MTFMT: variants seen among roughly 807,000 people sequenced by gnomAD.
MTFMT encodes mitochondrial methionyl-tRNA formyltransferase, also known as methionyl-tRNA formyltransferase, mitochondrial.
MTFMT carries 47 observed loss-of-function variants against 51.8 expected under a neutral mutation model. The observed-to-expected ratio is 0.91, with a 90% confidence interval of 0.72 to 1.16. The LOEUF (loss-of-function observed/expected upper bound fraction) is 1.16, where lower values mean the gene tolerates loss of function less well. Among genes scored for constraint, MTFMT ranks in the 50% most tolerant of loss-of-function variants. The pLI, the probability that MTFMT is intolerant of heterozygous loss-of-function variation, is 0.00. For synonymous variants in MTFMT, 196 were observed against 176.7 expected (o/e 1.11, Z -0.87); for missense variants, 512 against 482.3 (o/e 1.06, Z -0.58).
chr15:65,019,971 T>A (rs1315245373), intron 5 of MTFMT, among the ~76,000 whole-genome samples: 1 of 152,150 alleles, frequency 6.6e-6, no homozygotes, highest in African/African-American at 2.4e-5. Context: ...GTCTTTCTAT[T>A]TAATATTTTC....
chr15:65,022,829 C>A (rs773241171), intron 3 of MTFMT, among the ~76,000 whole-genome samples: 1 of 151,900 alleles, frequency 6.6e-6, no homozygotes, highest in Non-Finnish European at 1.5e-5. Flanking sequence ...ACCTCAGCCT[C>A]CTGAGTAGCT....
At chr15:65,021,142 G>C (rs778070647) in intron 4 of MTFMT, among the ~76,000 whole-genome samples, 30 of 152,204 alleles carry the variant, frequency 2.0e-4, no homozygotes, top group Non-Finnish European at 1.2e-4. Context: ...GCCAGGCAAA[G>C]AAATGGAAGG....
chr15:65,029,598 G>T lies in MTFMT; in HGVS notation c.16C>A (p.Arg6=), dbSNP rs199599204. The change falls in exon 1 of 9, where the codon CGG becomes AGG. Residue 6 remains arginine (R), a synonymous_variant. Coordinates refer to ENST00000220058, the MANE Select transcript of MTFMT (RefSeq NM_139242.4). The part of the protein sequence containing the change: MRVLV[R]RCWGPPLAHG... ...GCCAGCGGAGGACCCCAACAGCGCC[G>T]CACCAACACCCTCATCGCCTCGGCC... is the stretch of plus-strand genomic sequence containing the variant. 2 of 1,429,526 alleles carry T rather than the reference G, an allele frequency of 1.4e-6. No homozygotes were observed. The highest frequency in any genetic ancestry group is 3.1e-5 in the East Asian group (1 of 31,748). 88.6% of individuals were successfully genotyped at this position (1,429,526 alleles called of 1,614,324 possible).
intron 4 of MTFMT, among the ~76,000 whole-genome samples, chr15:65,021,146 T>C (rs1455285315): frequency 6.6e-6 from 1 of 152,066 alleles, no homozygotes; most frequent in African/African-American, 2.4e-5. Flanking sequence ...GGCAAAGAAA[T>C]GGAAGGAAAG....
chr15:65,014,843 G>A (rs2086304435), intron 6 of MTFMT, among the ~76,000 whole-genome samples: 1 of 151,248 alleles, frequency 6.6e-6, no homozygotes. Context: ...TGTTGGCCAG[G>A]CTGGTCTCAA....
In MTFMT at chr15:65,004,883, G is replaced by C. The variant is rs2086208982; in HGVS notation, c.946C>G (p.Gln316Glu). The C allele has an allele frequency of 6.2e-7, 1 of 1,609,614 alleles. No homozygotes were observed. The highest frequency in any genetic ancestry group is 1.7e-5 in the Admixed American group (1 of 59,714). ...LIPGSVIYHK[Q>E]SQILLVYCKD... is the part of the protein sequence containing the mutation. Reference sequence around the variant, plus strand: ...CAATAAACCAATAGTATTTGTGACTGTTTGTGGTATATTACTGATCCTGGA... The same window carrying C: ...CAATAAACCAATAGTATTTGTGACTCTTTGTGGTATATTACTGATCCTGGA... Residue 316 changes from glutamine to glutamate, a missense_variant, in exon 8 of 9, where the codon CAG becomes GAG. By Grantham distance (29) the Gln-to-Glu change is conservative (BLOSUM62 2). Transcript: ENST00000220058.
chr15:65,010,375 C>A (rs553968323), intron 6 of MTFMT, among the ~76,000 whole-genome samples: 1 of 151,616 alleles, frequency 6.6e-6, no homozygotes, highest in Non-Finnish European at 1.5e-5. Flanking sequence ...AAAACGCCAT[C>A]CATTATCAGA....
At position 65,023,753 on chromosome 15, in the gene MTFMT, C is replaced by T. The variant is rs556616320; in HGVS notation, c.461G>A (p.Arg154His). The stretch of plus-strand genomic sequence containing the variant: ...TGTATGGATTACAGGGGCTGGGCCA[C>T]GCCATCTCGGGAGGCAACTGGGATG... The part of the protein sequence containing the change: ...NVHPSCLPRW[R>H]GPAPVIHTVL... The change falls in exon 3 of 9, where the codon CGT (arginine) becomes CAT (histidine). Residue 154 changes from arginine to histidine, a missense_variant. Arg to His is a conservative substitution (Grantham distance 29). Coordinates refer to ENST00000220058, the MANE Select transcript of MTFMT (RefSeq NM_139242.4). The T allele has an allele frequency of 2.2e-5, 35 of 1,612,964 alleles. No individual in the cohort carries two copies. The highest frequency in any genetic ancestry group is 1.8e-4 in the Admixed American group (11 of 59,936).
At chr15:65,027,602 T>C (rs1486256355) in intron 1 of MTFMT, among the ~76,000 whole-genome samples, 2 of 152,372 alleles carry the variant, frequency 1.3e-5, no homozygotes, top group Non-Finnish European at 2.9e-5. Context: ...TTCCTGTGCA[T>C]ACAGAAACAT....
At chr15:65,019,909 G>A (rs2086356763) in intron 5 of MTFMT, among the ~76,000 whole-genome samples, 1 of 151,972 alleles carries the variant, frequency 6.6e-6, no homozygotes, top group African/African-American at 2.4e-5. Context: ...AGAAAATATG[G>A]ACAAACATTA....
At chr15:65,023,918 A>G (rs2086397596) in intron 2 of MTFMT, 124 bp from the exon 3 acceptor site, 1 of 834,734 alleles carries the variant, frequency 1.2e-6, no homozygotes, top group African/African-American at 1.7e-5. Context: ...CTGACAGTTA[A>G]ATCTAAGTCT....
intron 2 of MTFMT, among the ~76,000 whole-genome samples, chr15:65,025,420 T>TAAAC (rs142923906): frequency 6.6e-6 from 1 of 151,188 alleles, no homozygotes; most frequent in Non-Finnish European, 1.5e-5. Context: ...TAGAAATAAA[T>TAAAC]AAATAAATAA....
chr15:65,012,335 C>A (rs1310312975), intron 6 of MTFMT, among the ~76,000 whole-genome samples: 1 of 151,476 alleles, frequency 6.6e-6, no homozygotes, highest in Non-Finnish European at 1.5e-5. Flanking sequence ...AAAGAACTAT[C>A]TTTTGGGAAC....
At chr15:65,020,301 T>C (rs1476675761) in intron 4 of MTFMT, 29 bp from the exon 5 acceptor site, 2 of 1,551,994 alleles carry the variant, frequency 1.3e-6, no homozygotes, top group African/African-American at 1.4e-5. Flanking sequence ...GAGTGTGATA[T>C]ATTCAAAATG....
At chr15:65,006,341 T>C (rs2140474263) in intron 6 of MTFMT, 150 bp from the exon 7 acceptor site, 1 of 585,436 alleles carries the variant, frequency 1.7e-6, no homozygotes, top group Non-Finnish European at 3.1e-6. Context: ...ACCGTAAACA[T>C]GACTCTCTAC....
At chr15:65,028,111 T>C (rs2086443333) in intron 1 of MTFMT, among the ~76,000 whole-genome samples, 1 of 152,148 alleles carries the variant, frequency 6.6e-6, no homozygotes, top group South Asian at 2.1e-4. Context: ...AGCTGCCAAG[T>C]GAAGCATCAT....
intron 2 of MTFMT, among the ~76,000 whole-genome samples, chr15:65,024,770 G>A (rs2086407637): frequency 6.6e-6 from 1 of 152,144 alleles, no homozygotes; most frequent in Admixed American, 6.5e-5. Flanking sequence ...ATATGTACAA[G>A]GTTTGCCAGA....
At chr15:65,027,066 G>A (rs774309051) in intron 1 of MTFMT, 26 bp from the exon 2 acceptor site, 2 of 1,572,250 alleles carry the variant, frequency 1.3e-6, no homozygotes, top group South Asian at 1.1e-5. Flanking sequence ...AGAAAAATGT[G>A]ACAGTGTTAA....
chr15:65,011,440 T>C (rs971848291), intron 6 of MTFMT, among the ~76,000 whole-genome samples: 1 of 150,738 alleles, frequency 6.6e-6, no homozygotes. Flanking sequence ...TAGGCCCTTA[T>C]CAGTTATATG....
Sources: gnomAD v4.1 joint callset for allele counts (sites outside exome capture counted in the v4.1 genomes callset) on GRCh38, gnomAD v4.1.1 for gene constraint, MANE v1.5 for transcripts, NCBI Gene and HGNC (gene_info 2026-07-23, HGNC 2026-07-21) for gene names.